Variants in CHODL observed in about 807,000 individuals in gnomAD.
CHODL encodes chondrolectin, also known as transmembrane protein MT75.
CHODL carries 29 observed loss-of-function variants against 34.5 expected under a neutral mutation model. That is an observed-to-expected ratio of 0.84 (90% CI 0.63 to 1.15). The LOEUF is 1.15. Ranked by LOEUF, CHODL falls within the 50% of genes most tolerant of loss-of-function variation. The probability of loss-of-function intolerance (pLI) is 0.00; values close to 1 mark genes in which losing one functional copy is unlikely to be tolerated. For synonymous variants in CHODL, 125 were observed against 116.1 expected, an observed-to-expected ratio of 1.08 and a Z score of -0.49; for missense variants, 332 against 332.5, an observed-to-expected ratio of 1.00 and a Z score of 0.01.
At chr21:17,980,460 C>A (rs1462713041) in intron 1 of CHODL, among the ~76,000 whole-genome samples, 3 of 152,134 alleles carry the variant, frequency 2.0e-5, no homozygotes, top group Non-Finnish European at 4.4e-5. Flanking sequence ...ATATTTTCAT[C>A]AACTGATAAA....
chr21:18,148,007 T>C (rs1030396127), intron 2 of CHODL, among the ~76,000 whole-genome samples: 2 of 152,310 alleles, frequency 1.3e-5, no homozygotes, highest in East Asian at 3.9e-4. Context: ...TGGGTCCTTC[T>C]GGTTTATGTT....
intron 1 of CHODL, among the ~76,000 whole-genome samples, chr21:17,965,290 A>G (rs1021629303): frequency 6.6e-6 from 1 of 152,174 alleles, no homozygotes; most frequent in African/African-American, 2.4e-5. Flanking sequence ...TATTGAAAAA[A>G]TATTCAAGCT....
intron 2 of CHODL, among the ~76,000 whole-genome samples, chr21:18,107,969 C>T (rs1463997179): frequency 1.3e-5 from 2 of 152,120 alleles, no homozygotes; most frequent in Admixed American, 6.6e-5. Flanking sequence ...AGGTTATGTT[C>T]GTACCATCTA....
chr21:18,212,675 C>A (rs1034146502), intron 2 of CHODL, among the ~76,000 whole-genome samples: 2 of 151,958 alleles, frequency 1.3e-5, no homozygotes, highest in Non-Finnish European at 2.9e-5. Flanking sequence ...ATATTTAATA[C>A]CTGAAATTTA....
chr21:18,141,886 G>T (rs1463654673), intron 2 of CHODL, among the ~76,000 whole-genome samples: 4 of 152,170 alleles, frequency 2.6e-5, no homozygotes, highest in African/African-American at 9.6e-5. Flanking sequence ...TGAAAGTTTT[G>T]ATGGTAGTCG....
At chr21:18,252,030 A>T (rs1568958291) in intron 1 of CHODL, among the ~76,000 whole-genome samples, 1 of 151,922 alleles carries the variant, frequency 6.6e-6, no homozygotes, top group African/African-American at 2.4e-5. Flanking sequence ...TAGCAAATAA[A>T]TTATCTTGGA....
At chr21:18,055,380 A>G (rs2064566484) in intron 2 of CHODL, among the ~76,000 whole-genome samples, 1 of 152,024 alleles carries the variant, frequency 6.6e-6, no homozygotes, top group African/African-American at 2.4e-5. Flanking sequence ...CGTATAAGTT[A>G]TTTCCTTGCC....
chr21:18,028,262 T>TCC (rs1412108209), intron 2 of CHODL, among the ~76,000 whole-genome samples: 1 of 57,062 alleles, frequency 1.8e-5, no homozygotes, highest in Admixed American at 1.9e-4. Context: ...CCTTTTCTTT[T>TCC]TCTTTTTCCT....
At chr21:18,137,180 T>C (rs988795217) in intron 2 of CHODL, among the ~76,000 whole-genome samples, 3 of 152,110 alleles carry the variant, frequency 2.0e-5, no homozygotes, top group Non-Finnish European at 4.4e-5. Context: ...TTTAAAGGAA[T>C]TGATGTTGTC....
intron 2 of CHODL, among the ~76,000 whole-genome samples, chr21:18,142,454 T>C (rs1334617890): frequency 6.6e-6 from 1 of 152,188 alleles, no homozygotes; most frequent in Non-Finnish European, 1.5e-5. Flanking sequence ...TTTTCTACAA[T>C]GTTGGTATTC....
intron 2 of CHODL, among the ~76,000 whole-genome samples, chr21:18,110,582 AGCTGATGTCT>A (rs2065336175): frequency 1.6e-5 from 1 of 62,478 alleles, no homozygotes; most frequent in African/African-American, 4.0e-5. Context: ...CAACACCTAC[AGCTGATGTCT>A]GCCAGGCACC....
chr21:18,131,995 G>A (rs2072660282), intron 2 of CHODL, among the ~76,000 whole-genome samples: 1 of 151,904 alleles, frequency 6.6e-6, no homozygotes, highest in East Asian at 1.9e-4. Context: ...CATAAGACTT[G>A]CTTTACATCA....
intron 2 of CHODL, among the ~76,000 whole-genome samples, chr21:18,108,805 T>C (rs1448290049): frequency 6.6e-6 from 1 of 151,788 alleles, no homozygotes; most frequent in Non-Finnish European, 1.5e-5. Flanking sequence ...GAGACGATTA[T>C]AGTTTTTTCT....
chr21:17,970,406 ACTGTAATAAGGAAGGTGTT>A (rs2063605280), intron 1 of CHODL, among the ~76,000 whole-genome samples: 1 of 152,166 alleles, frequency 6.6e-6, no homozygotes, highest in Non-Finnish European at 1.5e-5. Flanking sequence ...CTCAACACTT[ACTGTAATAAGGAAGGTGTT>A]TGGGGTGTAA....
At chr21:17,977,042 A>G (rs2063669136) in intron 1 of CHODL, among the ~76,000 whole-genome samples, 1 of 152,188 alleles carries the variant, frequency 6.6e-6, no homozygotes, top group Non-Finnish European at 1.5e-5. Flanking sequence ...AAGCTCCATA[A>G]CACTTTAAAG....
chr21:18,003,696 T>G (rs996761448), intron 1 of CHODL, among the ~76,000 whole-genome samples: 4 of 152,194 alleles, frequency 2.6e-5, no homozygotes, highest in Admixed American at 2.6e-4. Flanking sequence ...TGTCTGTCTC[T>G]CTCTCTTTTT....
chr21:18,027,764 T>C (rs1045854241), intron 1 of CHODL: 3 of 152,308 alleles, frequency 2.0e-5, no homozygotes, highest in Non-Finnish European at 4.4e-5. Context: ...GGTGGGGCTT[T>C]TGGGAGGTAA....
intron 2 of CHODL, among the ~76,000 whole-genome samples, chr21:18,154,990 TTGG>T (rs1251937119): frequency 6.6e-6 from 1 of 152,176 alleles, no homozygotes; most frequent in Non-Finnish European, 1.5e-5. Context: ...AGGGCATAGC[TTGG>T]TTGTGACCTG....
chr21:17,952,269 G>GGAAAACTA (rs2063465029), intron 1 of CHODL, among the ~76,000 whole-genome samples: 1 of 148,426 alleles, frequency 6.7e-6, no homozygotes, highest in Non-Finnish European at 1.5e-5. Flanking sequence ...ATAATTACAA[G>GGAAAACTA]GAAAACTATT....
Sources: gnomAD v4.1 joint callset for allele counts (sites outside exome capture counted in the v4.1 genomes callset) on GRCh38, gnomAD v4.1.1 for gene constraint, MANE v1.5 for transcripts, NCBI Gene and HGNC (gene_info 2026-07-23, HGNC 2026-07-21) for gene names.